CCNK: variants seen among roughly 807,000 people sequenced by gnomAD.
The protein encoded by CCNK is cyclin K, also known as cyclin-K.
CCNK carries 9 observed loss-of-function variants against 65.0 expected under a neutral mutation model. The ratio of observed to expected loss-of-function variants is 0.14; its 90% CI spans 0.08 to 0.24. The LOEUF is 0.24. CCNK is among the 10% of genes least tolerant of loss of function. CCNK has a pLI of 1.00. For synonymous variants in CCNK, 279 were observed against 270.8 expected (o/e 1.03, Z -0.30); for missense variants, 474 against 720.0 (o/e 0.66, Z 3.91).
Position 99,503,636 on chromosome 14 carries a change from AAGC to A in CCNK, c.1043_1045del (p.Ala348del). 2 of 1,560,208 alleles carry A rather than the reference AAGC, an allele frequency of 1.3e-6. No individual in the cohort carries two copies. The highest frequency in any genetic ancestry group is 1.2e-5 in the South Asian group (1 of 84,498). ...GTTGTTTCTCCCAAAGAAGAGAACA[AAGC>A]AGCAGGTAATTTCCTGTTCTGATGT... On this transcript the variant is annotated inframe_deletion, in exon 9 of 11. Transcript: ENST00000389879.
At chr14:99,502,629 C>CGTAG (rs1896862566) in intron 7 of CCNK, 90 bp from the exon 8 acceptor site, 3 of 1,303,542 alleles carry the variant, frequency 2.3e-6, no homozygotes, top group Non-Finnish European at 3.2e-6. Context: ...CTTAGGTCCT[C>CGTAG]GTAGGGGTAT....
intron 10 of CCNK, chr14:99,508,177 G>A (rs1897023505): frequency 6.6e-6 from 1 of 152,226 alleles, no homozygotes; most frequent in Non-Finnish European, 1.5e-5. Context: ...TTTGTGCTTT[G>A]GGAGAACAGA....
chr14:99,486,564 A>T (rs1448688342), intron 1 of CCNK, among the ~76,000 whole-genome samples: 3 of 152,232 alleles, frequency 2.0e-5, no homozygotes, highest in Non-Finnish European at 4.4e-5. Context: ...AAAGGATCTT[A>T]AAGTTCTTCA....
intron 4 of CCNK, among the ~76,000 whole-genome samples, chr14:99,496,739 T>TAA (rs891974809): frequency 1.1e-4 from 15 of 140,590 alleles, no homozygotes; most frequent in Non-Finnish European, 1.9e-4. Flanking sequence ...AATATTACTT[T>TAA]AAAAAAAAAA....
rs1449958007 is a variant in CCNK at position 99,503,662 on chromosome 14, TG to T, written c.1045+19del. 9 of 1,551,822 alleles carry T rather than the reference TG, an allele frequency of 5.8e-6. No individual in the cohort carries two copies. The South Asian group carries it at 8.4e-5, about 15-fold the overall frequency. ...AGCAGCAGGTAATTTCCTGTTCTGA[TG>T]TTTTTTTAGTTTTATGTGTTTATAT... On this transcript the variant is annotated intron_variant, in intron 9 of 10. Transcript: ENST00000389879.
chr14:99,481,654 C>T (rs944549878), intron 1 of CCNK, 175 bp downstream of exon 1: 13 of 389,166 alleles, frequency 3.3e-5, no homozygotes, highest in Non-Finnish European at 3.2e-5. Context: ...GGTTGTGGGG[C>T]GGGCGTGTAG....
chr14:99,503,028 G>A (rs1283793345), intron 8 of CCNK, 44 bp downstream of exon 8: 3 of 1,607,638 alleles, frequency 1.9e-6, no homozygotes, highest in Non-Finnish European at 1.7e-6. Context: ...GGCTTTCCAG[G>A]TGGCGGCAAC....
At chr14:99,503,113 T>TC in intron 8 of CCNK, 129 bp downstream of exon 8, 1 of 1,062,998 alleles carries the variant, frequency 9.4e-7, no homozygotes, top group East Asian at 2.4e-5. Context: ...AAACTCGCAG[T>TC]CCGACTGCTT....
chr14:99,503,677 A>T, intron 9 of CCNK, 33 bp downstream of exon 9: 2 of 1,512,192 alleles, frequency 1.3e-6, no homozygotes. Context: ...TTTTAGTTTT[A>T]TGTGTTTATA....
At chr14:99,497,702 A>G (rs761846478) in intron 4 of CCNK, among the ~76,000 whole-genome samples, 2 of 152,246 alleles carry the variant, frequency 1.3e-5, no homozygotes, top group Non-Finnish European at 1.5e-5. Flanking sequence ...GTATGTATAT[A>G]CAAAATGTAT....
At chr14:99,506,407 C>T (rs931438428) in intron 9 of CCNK, 2 of 152,596 alleles carry the variant, frequency 1.3e-5, no homozygotes, top group Non-Finnish European at 2.9e-5. Context: ...CCTTGGAGAC[C>T]TAGTGCTGTC....
intron 2 of CCNK, chr14:99,493,114 C>G: frequency 2.0e-6 from 1 of 500,834 alleles, no homozygotes; most frequent in Non-Finnish European, 3.5e-6. Context: ...ATTAGGATCA[C>G]AGTTGAGGCT....
chr14:99,487,093 C>G (rs954817100), intron 1 of CCNK, among the ~76,000 whole-genome samples: 1 of 152,250 alleles, frequency 6.6e-6, no homozygotes, highest in South Asian at 2.1e-4. Context: ...GTAGCAATTC[C>G]CAACTGTGAA....
chr14:99,495,685 T>A (rs1896686558), intron 4 of CCNK, 56 bp downstream of exon 4: 1 of 1,497,302 alleles, frequency 6.7e-7, no homozygotes, highest in African/African-American at 1.4e-5. Context: ...GGTAGTATTG[T>A]ACAGTTCCAC....
chr14:99,483,983 T>C (rs953045905), intron 1 of CCNK, among the ~76,000 whole-genome samples: 1 of 152,198 alleles, frequency 6.6e-6, no homozygotes, highest in Non-Finnish European at 1.5e-5. Flanking sequence ...GGCTGAAATA[T>C]AATAATAGGC....
intron 1 of CCNK, among the ~76,000 whole-genome samples, chr14:99,490,561 TC>T (rs988091906): frequency 1.4e-4 from 22 of 152,204 alleles, no homozygotes; most frequent in African/African-American, 5.3e-4. Context: ...AAGTCTTGTT[TC>T]CATTCCTGTC....
chr14:99,507,067 T>C lies in CCNK; in HGVS notation c.1046-9T>C. On this transcript the variant is annotated splice_polypyrimidine_tract_variant and intron_variant, in intron 9 of 10. Transcript: ENST00000389879. ...ATGAGTGGTTTTCTAATCTGCTTTT[T>C]CTTTGTAGAACCACCACCACCTAAA... The C allele has an allele frequency of 6.3e-7, 1 of 1,586,532 alleles. No individual in the cohort carries two copies. The highest frequency in any genetic ancestry group is 8.7e-7 in the Non-Finnish European group (1 of 1,154,844).
At chr14:99,509,761 C>G (rs563763410) in intron 10 of CCNK, 2 of 240,312 alleles carry the variant, frequency 8.3e-6, no homozygotes, top group South Asian at 9.9e-5. Context: ...GCCACTGCTG[C>G]AGACAGGAGT....
At position 99,511,012 on chromosome 14, in the gene CCNK, A is replaced by C. The variant is rs1211655638; in HGVS notation, c.*230A>C. The stretch of plus-strand genomic sequence containing the variant: ...GTGCCCTTGCAGTCTGACTGTGTAC[A>C]CTTGGTTCAGCTAATGTCTGAGAGT... On this transcript the variant is annotated 3_prime_UTR_variant, in exon 11 of 11. Transcript: ENST00000389879. 2 of 367,220 alleles carry C rather than the reference A, an allele frequency of 5.4e-6. No homozygotes were observed. The highest frequency in any genetic ancestry group is 1.4e-4 in the South Asian group (1 of 7,306). 22.7% of individuals were successfully genotyped at this position (367,220 alleles called of 1,614,324 possible). A position where few individuals can be genotyped will look rare whatever the true frequency, so the allele number is the denominator to read the frequency against.
Sources: gnomAD v4.1 joint callset for allele counts (sites outside exome capture counted in the v4.1 genomes callset) on GRCh38, gnomAD v4.1.1 for gene constraint, MANE v1.5 for transcripts, NCBI Gene and HGNC (gene_info 2026-07-23, HGNC 2026-07-21) for gene names.